The following ROBO2 variants were observed in gnomAD, a reference collection of about 807,000 sequenced individuals.
The protein encoded by ROBO2 is roundabout guidance receptor 2.
ROBO2 carries 53 observed loss-of-function variants against 160.8 expected under a neutral mutation model. The observed-to-expected ratio is 0.33, with a 90% CI of 0.26 to 0.41. The LOEUF (loss-of-function observed/expected upper bound fraction) is 0.41, where lower values mean the gene tolerates loss of function less well. Ranked by LOEUF, ROBO2 falls within the 10% of genes least tolerant of loss-of-function variation. The pLI, the probability that ROBO2 is intolerant of heterozygous loss-of-function variation, is 1.00. For missense variants in ROBO2, 1,577 were observed against 1,722.4 expected (o/e 0.92, Z 1.49); for synonymous variants, 664 against 611.7 (o/e 1.09, Z -1.26).
intron 1 of ROBO2, among the ~76,000 whole-genome samples, chr3:75,925,792 A>G (rs908896748): frequency 3.3e-5 from 5 of 152,196 alleles, no homozygotes; most frequent in East Asian, 1.9e-4. Context: ...AAGTACTACA[A>G]TAGTCATATA....
rs565621825 is a variant in ROBO2 at position 76,694,239 on chromosome 3, C to T, written c.110-403775C>T. On this transcript the variant is annotated intron_variant, in intron 2 of 26. Coordinates refer to the ROBO2 transcript ENST00000487694. ...AATTAAATGGGCGTTTTTCTTTATT[C>T]CAAATCAGTGCCAGAGATCAAAAAG... 3.0e-4 allele frequency among the ~76,000 whole-genome samples: 45 copies of T among 152,188 alleles called. No homozygotes were observed. In the East Asian group the frequency reaches 8.5e-3, roughly 29 times the overall value.
chr3:76,001,300 A>G (rs1450931705), intron 2 of ROBO2, among the ~76,000 whole-genome samples: 1 of 152,146 alleles, frequency 6.6e-6, no homozygotes, highest in Non-Finnish European at 1.5e-5. Context: ...ATAATTATAC[A>G]TTGTTTTTTA....
At chr3:77,027,330 C>A (rs1198098849) in intron 2 of ROBO2, among the ~76,000 whole-genome samples, 3 of 152,146 alleles carry the variant, frequency 2.0e-5, no homozygotes, top group East Asian at 3.9e-4. Flanking sequence ...TGCAGTTAGG[C>A]CTCTATTCTA....
intron 2 of ROBO2, among the ~76,000 whole-genome samples, chr3:77,003,036 G>A (rs965519147): frequency 7.9e-5 from 12 of 152,078 alleles, no homozygotes; most frequent in African/African-American, 2.9e-4. Flanking sequence ...TATCTCTTGA[G>A]CGTTTTGATT....
intron 2 of ROBO2, among the ~76,000 whole-genome samples, chr3:76,436,468 C>G (rs1483343441): frequency 6.6e-6 from 1 of 152,132 alleles, no homozygotes; most frequent in Middle Eastern, 3.2e-3. Context: ...GGTTTTAGGT[C>G]TTGACTTATG....
At position 77,114,304 on chromosome 3, in the gene ROBO2, G is replaced by A. The variant is rs188478658; in HGVS notation, c.388+15964G>A. On this transcript the variant is annotated intron_variant, in intron 2 of 25. Coordinates refer to ENST00000461745, the Ensembl canonical transcript of ROBO2. ...AAAAAAGATATTTCTAAGGTATCAT[G>A]TATATTTTGTTTTCAAAATTGAAGA... 3.9e-3 allele frequency among the ~76,000 whole-genome samples: 596 copies of A among 152,220 alleles called. 7 individuals are homozygous for A. The highest frequency in any genetic ancestry group is 0.014 in the Middle Eastern group (4 of 294).
At chr3:76,619,406 C>T (rs1345687393) in intron 2 of ROBO2, among the ~76,000 whole-genome samples, 2 of 151,466 alleles carry the variant, frequency 1.3e-5, no homozygotes, top group Non-Finnish European at 2.9e-5. Flanking sequence ...TAATGAATTG[C>T]CATGGAGCAA....
chr3:77,192,891 T>C (rs1044498452), intron 2 of ROBO2, among the ~76,000 whole-genome samples: 2 of 151,902 alleles, frequency 1.3e-5, no homozygotes, highest in Non-Finnish European at 2.9e-5. Context: ...TGGCCTCAAG[T>C]GATCCACCTG....
At chr3:76,739,919 G>A (rs1448324129) in intron 2 of ROBO2, among the ~76,000 whole-genome samples, 3 of 152,168 alleles carry the variant, frequency 2.0e-5, no homozygotes, top group Non-Finnish European at 4.4e-5. Context: ...CAGTGTTTAA[G>A]TTTTTTTCTA....
intron 2 of ROBO2, among the ~76,000 whole-genome samples, chr3:76,512,090 AAGAGAG>A (rs1238738893): frequency 6.6e-6 from 1 of 152,104 alleles, no homozygotes. Context: ...TATAAAATCA[AAGAGAG>A]ACTTCTAAAA....
rs374800299 is a variant in ROBO2 at position 75,951,442 on chromosome 3, T to C, written c.109+13840T>C. Among the ~76,000 whole-genome samples, 15 of 152,156 alleles carry C rather than the reference T, an allele frequency of 9.9e-5. No individual in the cohort carries two copies. The East Asian group carries it at 2.7e-3, about 28-fold the overall frequency. ...AAACACTTCAAAAATGCCAAAACAA[T>C]TTTTAGCTCTCAGCCATATGAAACA... On this transcript the variant is annotated intron_variant, in intron 2 of 26. Coordinates refer to the ROBO2 transcript ENST00000487694.
At chr3:77,599,427 C>T (rs1412871311) in intron 19 of ROBO2, among the ~76,000 whole-genome samples, 2 of 139,114 alleles carry the variant, frequency 1.4e-5, no homozygotes, top group African/African-American at 5.5e-5. Context: ...TGTTCTCACT[C>T]ATAGGTGGGA....
chr3:77,287,820 A>C (rs2060713944), intron 2 of ROBO2, among the ~76,000 whole-genome samples: 1 of 152,166 alleles, frequency 6.6e-6, no homozygotes. Context: ...AGTATAATTT[A>C]ATGTAATTGA....
At chr3:77,552,462 A>G (rs987896154) in intron 8 of ROBO2, among the ~76,000 whole-genome samples, 1 of 152,050 alleles carries the variant, frequency 6.6e-6, no homozygotes, top group Non-Finnish European at 1.5e-5. Context: ...GTGGATATTC[A>G]GAATTACGTC....
chr3:76,774,227 T>C (rs2062090727), intron 2 of ROBO2, among the ~76,000 whole-genome samples: 1 of 150,962 alleles, frequency 6.6e-6, no homozygotes, highest in African/African-American at 2.4e-5. Context: ...TAATGTATTT[T>C]GTGAATCATT....
At chr3:77,291,370 G>C (rs1458483098) in intron 2 of ROBO2, among the ~76,000 whole-genome samples, 1 of 151,902 alleles carries the variant, frequency 6.6e-6, no homozygotes, top group Non-Finnish European at 1.5e-5. Flanking sequence ...AAATGGGTAA[G>C]CTGAGGCTAC....
intron 2 of ROBO2, among the ~76,000 whole-genome samples, chr3:76,390,450 A>G (rs940108148): frequency 6.6e-6 from 1 of 152,192 alleles, no homozygotes; most frequent in Non-Finnish European, 1.5e-5. Context: ...GATAAGACAT[A>G]CATTAAAGAG....
At chr3:77,031,150 A>G (rs957107061) in intron 2 of ROBO2, among the ~76,000 whole-genome samples, 3 of 152,150 alleles carry the variant, frequency 2.0e-5, no homozygotes, top group Non-Finnish European at 4.4e-5. Flanking sequence ...TTTAACAACC[A>G]TATTCTGCCT....
intron 2 of ROBO2, among the ~76,000 whole-genome samples, chr3:77,308,201 G>A (rs936080417): frequency 3.3e-5 from 5 of 151,670 alleles, no homozygotes; most frequent in Non-Finnish European, 5.9e-5. Flanking sequence ...TGGAAAATGC[G>A]GCAATCGTTC....
Sources: gnomAD v4.1 joint callset for allele counts (sites outside exome capture counted in the v4.1 genomes callset) on GRCh38, gnomAD v4.1.1 for gene constraint, MANE v1.5 for transcripts, NCBI Gene and HGNC (gene_info 2026-07-23, HGNC 2026-07-21) for gene names.